FHIT: variants seen among roughly 807,000 people sequenced by gnomAD.
The protein encoded by FHIT is bis(5'-adenosyl)-triphosphatase.
Under a neutral mutation model 17.9 loss-of-function variants are expected in FHIT, and 19 were observed. The observed-to-expected ratio is 1.06, with a 90% CI of 0.74 to 1.56. The LOEUF is 1.56. Among genes scored for constraint, FHIT ranks in the 40% most tolerant of loss-of-function variants. The pLI is 0.00. For missense variants in FHIT, 248 were observed against 189.2 expected (o/e 1.31, Z -1.82); for synonymous variants, 81 against 69.7 (o/e 1.16, Z -0.81).
intron 5 of FHIT, among the ~76,000 whole-genome samples, chr3:60,186,781 G>A (rs80245486): frequency 0.023 from 3,506 of 151,766 alleles, 133 homozygotes; most frequent in South Asian, 0.12. Flanking sequence ...TGCCATGCCC[G>A]CAAACTTTGT....
At chr3:60,853,174 C>T (rs988442266) in intron 3 of FHIT, among the ~76,000 whole-genome samples, 11 of 152,024 alleles carry the variant, frequency 7.2e-5, no homozygotes, top group African/African-American at 2.7e-4. Context: ...TCCCTTGGTT[C>T]AAAACAGGAC....
At chr3:60,712,923 G>A (rs184839394) in intron 4 of FHIT, among the ~76,000 whole-genome samples, 2,844 of 147,670 alleles carry the variant, frequency 0.019, 122 homozygotes, top group African/African-American at 0.066. Context: ...TGCAGCAAGC[G>A]GACCTAATAG....
chr3:61,153,032 A>G (rs936331550), intron 2 of FHIT, among the ~76,000 whole-genome samples: 4 of 151,782 alleles, frequency 2.6e-5, no homozygotes, highest in African/African-American at 9.7e-5. Context: ...AGTCTCAACT[A>G]CTCAGGAGGC....
intron 4 of FHIT, among the ~76,000 whole-genome samples, chr3:60,543,340 C>A (rs867123956): frequency 3.3e-5 from 5 of 152,060 alleles, no homozygotes; most frequent in African/African-American, 1.2e-4. Flanking sequence ...TTTATTATCC[C>A]ATATAAATTT....
At chr3:61,000,399 G>A (rs956019251) in intron 3 of FHIT, among the ~76,000 whole-genome samples, 11 of 152,270 alleles carry the variant, frequency 7.2e-5, no homozygotes, top group African/African-American at 2.4e-4. Context: ...AGGGCTATTT[G>A]AGACACAATG....
At chr3:59,910,671 A>AAAC (rs1002777225) in intron 8 of FHIT, among the ~76,000 whole-genome samples, 1 of 152,160 alleles carries the variant, frequency 6.6e-6, no homozygotes, top group African/African-American at 2.4e-5. Flanking sequence ...AGGAAGGAAA[A>AAAC]AACAACAACA....
intron 1 of FHIT, among the ~76,000 whole-genome samples, chr3:61,211,537 G>A (rs1053971614): frequency 6.6e-6 from 1 of 152,182 alleles, no homozygotes; most frequent in African/African-American, 2.4e-5. Context: ...ACATCTCAAG[G>A]AGGCCTGCCT....
chr3:60,988,531 C>A (rs2029879112), intron 3 of FHIT, among the ~76,000 whole-genome samples: 1 of 152,102 alleles, frequency 6.6e-6, no homozygotes, highest in South Asian at 2.1e-4. Context: ...TCTGAGGAAA[C>A]AAGAGGCTGT....
At chr3:61,116,409 T>G (rs1299075282) in intron 2 of FHIT, among the ~76,000 whole-genome samples, 1 of 152,172 alleles carries the variant, frequency 6.6e-6, no homozygotes, top group Non-Finnish European at 1.5e-5. Context: ...TCCACAGCTT[T>G]GCATGCAGGG....
At chr3:61,221,084 T>C (rs1576251183) in intron 1 of FHIT, among the ~76,000 whole-genome samples, 1 of 146,520 alleles carries the variant, frequency 6.8e-6, no homozygotes, top group African/African-American at 2.5e-5. Flanking sequence ...ACAAATCAAA[T>C]TCCATGAAAT....
At chr3:60,546,977 A>G (rs946463143) in intron 4 of FHIT, among the ~76,000 whole-genome samples, 2 of 152,158 alleles carry the variant, frequency 1.3e-5, no homozygotes, top group South Asian at 2.1e-4. Flanking sequence ...TTTAATTTCA[A>G]TGAAGAAGAA....
rs1181176873 is a variant in FHIT, at chr3:61,210,903, T to A, written c.-212-10238A>T. Among the ~76,000 whole-genome samples, 3 of 152,044 alleles carry A rather than the reference T, an allele frequency of 2.0e-5. 1 individual carries two copies. In the South Asian group the frequency reaches 6.2e-4, roughly 32 times the overall value. ...CACCCATCTTCTGTGTCGCTCACACTGGGAGCTGTAGACTGGAACTGTTCC... is the reference window on the plus strand; with the variant it reads ...CACCCATCTTCTGTGTCGCTCACACAGGGAGCTGTAGACTGGAACTGTTCC... On this transcript the variant is annotated intron_variant, in intron 1 of 9. Coordinates refer to ENST00000492590, the MANE Select transcript of FHIT (RefSeq NM_002012.4).
chr3:59,837,969 A>C (rs1701397758), intron 8 of FHIT, among the ~76,000 whole-genome samples: 1 of 152,108 alleles, frequency 6.6e-6, no homozygotes, highest in South Asian at 2.1e-4. Flanking sequence ...CCTGGGGCAA[A>C]TGTTAGCTGC....
At chr3:59,775,093 T>TA (rs2106851427) in intron 8 of FHIT, among the ~76,000 whole-genome samples, 1 of 152,318 alleles carries the variant, frequency 6.6e-6, no homozygotes, top group South Asian at 2.1e-4. Flanking sequence ...CTCATGTGCT[T>TA]ATTTGTTCAA....
At chr3:60,966,435 C>T (rs1445221054) in intron 3 of FHIT, among the ~76,000 whole-genome samples, 1 of 152,226 alleles carries the variant, frequency 6.6e-6, no homozygotes, top group Non-Finnish European at 1.5e-5. Context: ...CCGTGGGCTG[C>T]ACCCACTGTC....
At chr3:59,817,944 G>A (rs186441156) in intron 8 of FHIT, among the ~76,000 whole-genome samples, 6 of 152,242 alleles carry the variant, frequency 3.9e-5, no homozygotes, top group Admixed American at 3.3e-4. Flanking sequence ...AACAAAGGAC[G>A]AGAGGCTGGG....
intron 5 of FHIT, among the ~76,000 whole-genome samples, chr3:60,264,716 T>C (rs1335188870): frequency 6.6e-6 from 1 of 151,980 alleles, no homozygotes; most frequent in South Asian, 2.1e-4. Context: ...CTCCTTTCTT[T>C]TATTTCAGTG....
At chr3:61,103,401 G>A (rs1032180829) in intron 2 of FHIT, among the ~76,000 whole-genome samples, 3 of 152,158 alleles carry the variant, frequency 2.0e-5, no homozygotes, top group Non-Finnish European at 4.4e-5. Context: ...TAATTTGATT[G>A]CACTGTGGTC....
intron 4 of FHIT, among the ~76,000 whole-genome samples, chr3:60,712,914 G>A (rs1324307663): frequency 1.4e-5 from 2 of 143,790 alleles, no homozygotes; most frequent in African/African-American, 5.1e-5. Flanking sequence ...ACTCAGCTCT[G>A]CAGCAAGCGG....
Sources: gnomAD v4.1 joint callset for allele counts (sites outside exome capture counted in the v4.1 genomes callset) on GRCh38, gnomAD v4.1.1 for gene constraint, MANE v1.5 for transcripts, NCBI Gene and HGNC (gene_info 2026-07-23, HGNC 2026-07-21) for gene names.